Variants in ARHGAP15 observed in about 807,000 individuals in gnomAD.
ARHGAP15 encodes Rho GTPase activating protein 15.
Under a neutral mutation model 63.7 loss-of-function variants are expected in ARHGAP15, and 51 were observed. The ratio of observed to expected loss-of-function variants is 0.80; its 90% confidence interval spans 0.64 to 1.01. The LOEUF is 1.01. Among genes scored for constraint, ARHGAP15 ranks in the 50% least tolerant of loss-of-function variants. The probability of loss-of-function intolerance (pLI) is 0.00; values close to 1 mark genes in which losing one functional copy is unlikely to be tolerated. For missense variants in ARHGAP15, 560 were observed against 564.6 expected (o/e 0.99, Z 0.08); for synonymous variants, 191 against 193.8 (o/e 0.99, Z 0.12).
intron 11 of ARHGAP15, among the ~76,000 whole-genome samples, chr2:143,606,035 C>CAAAGAAAAAAA (rs1697999566): frequency 4.4e-5 from 1 of 22,862 alleles, no homozygotes; most frequent in Non-Finnish European, 7.0e-5. Context: ...GACTCTGTCT[C>CAAAGAAAAAAA]AAAAAAAAAA....
chr2:143,492,250 T>G (rs1265798941), intron 9 of ARHGAP15, among the ~76,000 whole-genome samples: 2 of 152,150 alleles, frequency 1.3e-5, no homozygotes, highest in East Asian at 3.9e-4. Context: ...TCCATTAGCT[T>G]TCTCCACAAC....
intron 6 of ARHGAP15, among the ~76,000 whole-genome samples, chr2:143,368,608 T>C (rs1015176973): frequency 1.3e-5 from 2 of 151,864 alleles, no homozygotes; most frequent in Non-Finnish European, 2.9e-5. Context: ...GGTAAAATAA[T>C]AATATCAATG....
intron 5 of ARHGAP15, among the ~76,000 whole-genome samples, chr2:143,231,153 G>A (rs1693421177): frequency 1.3e-5 from 2 of 149,136 alleles, no homozygotes; most frequent in Admixed American, 1.4e-4. Context: ...TGTGAAATGG[G>A]CATAGTGATA....
intron 6 of ARHGAP15, among the ~76,000 whole-genome samples, chr2:143,308,535 A>C (rs1005862258): frequency 3.3e-5 from 5 of 151,948 alleles, no homozygotes; most frequent in African/African-American, 1.2e-4. Context: ...AGTGCCTAGC[A>C]CATGAAAGAG....
intron 10 of ARHGAP15, among the ~76,000 whole-genome samples, chr2:143,542,630 AT>A (rs1056615395): frequency 6.9e-6 from 1 of 144,978 alleles, no homozygotes; most frequent in African/African-American, 2.5e-5. Flanking sequence ...TCATATATAT[AT>A]GATTTAAAAT....
At chr2:143,425,360 G>C (rs1458805308) in intron 6 of ARHGAP15, among the ~76,000 whole-genome samples, 1 of 151,718 alleles carries the variant, frequency 6.6e-6, no homozygotes. Flanking sequence ...GAGAGAAATA[G>C]AACACATATG....
chr2:143,733,065 C>A (rs1282245079), intron 13 of ARHGAP15, among the ~76,000 whole-genome samples: 3 of 152,082 alleles, frequency 2.0e-5, no homozygotes, highest in Admixed American at 6.6e-5. Flanking sequence ...TAAAGAAAGT[C>A]TTTGTCCAGG....
At chr2:143,658,837 C>T (rs1276085846) in intron 12 of ARHGAP15, among the ~76,000 whole-genome samples, 1 of 152,172 alleles carries the variant, frequency 6.6e-6, no homozygotes, top group Non-Finnish European at 1.5e-5. Flanking sequence ...ATCACGTGCC[C>T]ATTTCTTAAT....
intron 12 of ARHGAP15, among the ~76,000 whole-genome samples, chr2:143,637,814 A>T (rs1170317745): frequency 1.3e-5 from 2 of 152,156 alleles, no homozygotes; most frequent in Non-Finnish European, 1.5e-5. Context: ...GAAAAAAACA[A>T]ACAACCCCAT....
At chr2:143,507,326 T>G (rs567928081) in intron 9 of ARHGAP15, among the ~76,000 whole-genome samples, 30 of 152,292 alleles carry the variant, frequency 2.0e-4, no homozygotes, top group Admixed American at 1.6e-3. Flanking sequence ...ACTCCGTACT[T>G]CCAGGAGTTA....
At chr2:143,345,829 A>G (rs1176528840) in intron 6 of ARHGAP15, among the ~76,000 whole-genome samples, 1 of 152,072 alleles carries the variant, frequency 6.6e-6, no homozygotes, top group Admixed American at 6.6e-5. Context: ...TTTTATCACC[A>G]TATTATCTTG....
intron 8 of ARHGAP15, among the ~76,000 whole-genome samples, chr2:143,467,995 G>A (rs186283575): frequency 1.2e-3 from 177 of 152,052 alleles, no homozygotes; most frequent in African/African-American, 4.1e-3. Flanking sequence ...GAGTATGTTC[G>A]TTGTAGTTTA....
chr2:143,417,178 C>T (rs1346360483), intron 6 of ARHGAP15, among the ~76,000 whole-genome samples: 1 of 151,908 alleles, frequency 6.6e-6, no homozygotes, highest in African/African-American at 2.4e-5. Flanking sequence ...GTCTCTTTAT[C>T]CCCTTCTACA....
chr2:143,705,318 G>T (rs1031298085), intron 13 of ARHGAP15, among the ~76,000 whole-genome samples: 3 of 152,022 alleles, frequency 2.0e-5, no homozygotes, highest in African/African-American at 7.2e-5. Flanking sequence ...TACTGGCTAC[G>T]GTGAGAAATC....
At chr2:143,188,782 G>T (rs570284824) in intron 2 of ARHGAP15, among the ~76,000 whole-genome samples, 1 of 151,690 alleles carries the variant, frequency 6.6e-6, no homozygotes, top group African/African-American at 2.4e-5. Context: ...CACCATGCCC[G>T]GCTAATTATT....
Position 143,220,399 on chromosome 2 carries a change from C to A in ARHGAP15, c.296+3954C>A, listed in dbSNP as rs116773579. On this transcript the variant is annotated intron_variant, in intron 4 of 13. Transcript: ENST00000295095. ...ATTATTTTGTATTTTTAGTAGAGAC[C>A]TGGGTCTCGCCATGTTGCTCAGAAT... Among the ~76,000 whole-genome samples the A allele has an allele frequency of 9.5e-3, 1,442 of 152,158 alleles. 31 individuals carry two copies. Among genetic ancestry groups the A allele is most frequent in the African/African-American group, 0.033 (1,371 of 41,522 alleles).
At chr2:143,471,030 T>TATATATGCACACACACATGTGTGC in intron 8 of ARHGAP15, among the ~76,000 whole-genome samples, 1 of 149,228 alleles carries the variant, frequency 6.7e-6, no homozygotes, top group Non-Finnish European at 1.5e-5. Context: ...AATATGTGTG[T>TATATATGCACACACACATGTGTGC]ATATATGCAC....
intron 3 of ARHGAP15, among the ~76,000 whole-genome samples, chr2:143,207,708 G>A (rs1692395486): frequency 6.6e-6 from 1 of 151,958 alleles, no homozygotes; most frequent in Non-Finnish European, 1.5e-5. Context: ...TATTTTAAAG[G>A]CAGAAACATT....
chr2:143,578,540 G>A (rs781557751), intron 11 of ARHGAP15, among the ~76,000 whole-genome samples: 10 of 152,102 alleles, frequency 6.6e-5, no homozygotes, highest in Admixed American at 2.0e-4. Context: ...TCTAGAAAGC[G>A]CCAATGGCGC....
Sources: allele counts gnomAD v4.1 joint callset (sites outside exome capture counted in the v4.1 genomes callset), GRCh38; gene constraint gnomAD v4.1.1; transcripts MANE v1.5; gene names NCBI Gene and HGNC (gene_info 2026-07-23, HGNC 2026-07-21).